The following GTSF1 variants were observed in gnomAD, a reference collection of about 807,000 sequenced individuals.
The protein encoded by GTSF1 is gametocyte specific factor 1, also known as gametocyte-specific factor 1.
A neutral mutation model predicts 28.9 loss-of-function variants in GTSF1; 11 were observed. The observed-to-expected ratio is 0.38, with a 90% CI of 0.24 to 0.63. The LOEUF is 0.63. Ranked by LOEUF, GTSF1 falls within the 30% of genes least tolerant of loss-of-function variation. GTSF1 has a pLI of 0.56. For missense variants in GTSF1, 146 were observed against 201.0 expected, an observed-to-expected ratio of 0.73 and a Z score of 1.66; for synonymous variants, 69 against 65.6, an observed-to-expected ratio of 1.05 and a Z score of -0.25.
intron 2 of GTSF1, among the ~76,000 whole-genome samples, chr12:54,470,214 G>C (rs1348051466): frequency 6.6e-6 from 1 of 152,050 alleles, no homozygotes. Flanking sequence ...AAATTAAGGG[G>C]CAGGGGATCC....
intron 8 of GTSF1, among the ~76,000 whole-genome samples, chr12:54,456,893 TG>T (rs1956340831): frequency 6.6e-6 from 1 of 152,108 alleles, no homozygotes; most frequent in African/African-American, 2.4e-5. Flanking sequence ...GAGACTGGCC[TG>T]GCCAACATGG....
At chr12:54,457,085 CA>C (rs1450860435) in intron 8 of GTSF1, among the ~76,000 whole-genome samples, 1 of 151,960 alleles carries the variant, frequency 6.6e-6, no homozygotes, top group East Asian at 1.9e-4. Flanking sequence ...GACTCCATCT[CA>C]AAAACAAAAA....
At chr12:54,463,110 A>G in intron 4 of GTSF1, 61 bp downstream of exon 4, 3 of 1,545,846 alleles carry the variant, frequency 1.9e-6, no homozygotes, top group Non-Finnish European at 2.6e-6. Flanking sequence ...ACAATCTAGC[A>G]TAATACAAAT....
At chr12:54,462,753 G>C in intron 4 of GTSF1, 28 bp from the exon 5 acceptor site, 2 of 1,579,038 alleles carry the variant, frequency 1.3e-6, no homozygotes, top group Non-Finnish European at 1.7e-6. Context: ...TTGGATATAA[G>C]AGGGGGATAT....
At chr12:54,471,132 G>A (rs1956588419) in intron 2 of GTSF1, 101 bp downstream of exon 2, 1 of 840,096 alleles carries the variant, frequency 1.2e-6, no homozygotes, top group Non-Finnish European at 1.8e-6. Flanking sequence ...CTTAGCAGTT[G>A]AGAAGTCCGA....
chr12:54,463,291 G>A lies in GTSF1; in HGVS notation c.124C>T (p.Pro42Ser). 1 of 1,613,804 alleles carries A rather than the reference G, an allele frequency of 6.2e-7. No homozygotes were observed. Among genetic ancestry groups the A allele is most frequent in the Non-Finnish European group, 8.5e-7 (1 of 1,179,784 alleles). ...GTAGCCAATTTGCTTGCAACATCAG[G>A]ATGATTCTGTGGAACCAAAATTAAG... is the stretch of plus-strand genomic sequence containing the variant. ...YHLIKCRKNH[P>S]DVASKLATCP... Residue 42 changes from proline to serine, a missense_variant, in exon 4 of 9, where the codon CCT becomes TCT. Coordinates refer to ENST00000305879, the MANE Select transcript of GTSF1 (RefSeq NM_144594.3).
chr12:54,469,210 C>G (rs1371417803), intron 2 of GTSF1, among the ~76,000 whole-genome samples: 1 of 152,072 alleles, frequency 6.6e-6, no homozygotes, highest in African/African-American at 2.4e-5. Context: ...TCCCGAGTAG[C>G]TGGGACTACA....
intron 2 of GTSF1, among the ~76,000 whole-genome samples, chr12:54,465,840 C>T (rs1283798960): frequency 6.6e-6 from 1 of 152,172 alleles, no homozygotes; most frequent in Admixed American, 6.5e-5. Context: ...TCTACTTTAA[C>T]TTACTCCTAT....
chr12:54,463,198 C>A lies in GTSF1; in HGVS notation c.217G>T (p.Asp73Tyr). The change falls in exon 4 of 9, where the codon GAC (aspartate) becomes TAC (tyrosine). Residue 73 changes from aspartate (D) to tyrosine (Y), a missense_variant. By Grantham distance (160) the Asp-to-Tyr change is radical (BLOSUM62 -3). Transcript: ENST00000305879. ...ACATCTTGCTCAATACAACTTCTGT[C>A]ATCACAGCTTGAGATATGATGACTA... ...EISHHISSCDDRSCIEQDVVN... is the reference protein window; with the variant it reads ...EISHHISSCDYRSCIEQDVVN... The A allele has an allele frequency of 6.2e-7, 1 of 1,613,918 alleles. No individual in the cohort carries two copies. The highest frequency in any genetic ancestry group is 1.1e-5 in the South Asian group (1 of 91,030).
chr12:54,466,623 T>G (rs770822753), intron 2 of GTSF1, among the ~76,000 whole-genome samples: 5 of 152,168 alleles, frequency 3.3e-5, no homozygotes, highest in Non-Finnish European at 5.9e-5. Context: ...CTAGCAAATG[T>G]TAGGCCATGT....
rs143801283 is a variant in GTSF1, at chr12:54,465,130, G to A, written c.54C>T (p.Pro18=). 2 of 1,613,418 alleles carry A rather than the reference G, an allele frequency of 1.2e-6. No homozygotes were observed. The highest frequency in any genetic ancestry group is 2.2e-5 in the South Asian group (2 of 91,066). Residue 18 remains proline, a synonymous_variant, in exon 3 of 9, where the codon CCC becomes CCT. Transcript: ENST00000305879. ...CCCTGATTTGATGGTTTTTGTCATA[G>A]GGGCATTGCAATAGCTTCTCAGGGT... ...SLDPEKLLQC[P]YDKNHQIRAC... is the part of the protein sequence containing the mutation.
chr12:54,459,519 A>C, intron 7 of GTSF1: 1 of 1,131,276 alleles, frequency 8.8e-7, no homozygotes. Context: ...GGTGTTCTCT[A>C]TGTGGAAATT....
At chr12:54,462,793 T>C (rs1956446155) in intron 4 of GTSF1, 68 bp from the exon 5 acceptor site, 3 of 1,301,318 alleles carry the variant, frequency 2.3e-6, no homozygotes, top group Non-Finnish European at 3.3e-6. Flanking sequence ...AAGGGGCTAG[T>C]AGCTTAAAAG....
At chr12:54,459,156 A>G (rs374376021) in intron 7 of GTSF1, 31 bp from the exon 8 acceptor site, 143 of 1,588,826 alleles carry the variant, frequency 9.0e-5, no homozygotes, top group Non-Finnish European at 1.2e-4. Context: ...AAATAAATAC[A>G]CCATGTCAAT....
At chr12:54,465,199 C>A (rs768280738) in intron 2 of GTSF1, 32 bp from the exon 3 acceptor site, 11 of 1,414,410 alleles carry the variant, frequency 7.8e-6, no homozygotes, top group Non-Finnish European at 1.0e-5. Context: ...GTAGGTAAAA[C>A]GATAATAGGC....
chr12:54,472,214 A>T (rs1956603080), intron 1 of GTSF1: 1 of 152,232 alleles, frequency 6.6e-6, no homozygotes, highest in Non-Finnish European at 1.5e-5. Flanking sequence ...CAACCCTTCC[A>T]ATATGCTTGG....
chr12:54,471,774 C>T (rs1417242771), intron 1 of GTSF1: 1 of 152,282 alleles, frequency 6.6e-6, no homozygotes, highest in Non-Finnish European at 1.5e-5. Context: ...AATCCTAGCA[C>T]TCTGGGAGGC....
intron 7 of GTSF1, among the ~76,000 whole-genome samples, 162 bp downstream of exon 7, chr12:54,460,215 G>A (rs956391118): frequency 1.3e-5 from 2 of 152,154 alleles, no homozygotes; most frequent in African/African-American, 4.8e-5. Context: ...CGGTCAGTAG[G>A]GTGAACTGAG....
At chr12:54,467,897 C>T (rs1487549481) in intron 2 of GTSF1, among the ~76,000 whole-genome samples, 1 of 151,714 alleles carries the variant, frequency 6.6e-6, no homozygotes, top group African/African-American at 2.4e-5. Context: ...CCTCAGCCTC[C>T]CAAATAGCTG....
Sources: gnomAD v4.1 joint callset for allele counts (sites outside exome capture counted in the v4.1 genomes callset) on GRCh38, gnomAD v4.1.1 for gene constraint, MANE v1.5 for transcripts, NCBI Gene and HGNC (gene_info 2026-07-23, HGNC 2026-07-21) for gene names.